Variants in WWOX observed in about 807,000 individuals in gnomAD.
The protein encoded by WWOX is WW domain-containing oxidoreductase.
In WWOX, 69 loss-of-function variants were observed where a neutral mutation model predicts 46.2. That is an observed-to-expected ratio of 1.49 (90% CI 1.23 to 1.82). The LOEUF (loss-of-function observed/expected upper bound fraction) is 1.82, where lower values mean the gene tolerates loss of function less well. WWOX is among the 40% of genes most tolerant of loss of function. The pLI is 0.00. For missense variants in WWOX, 919 were observed against 542.6 expected (o/e 1.69, Z -6.89); for synonymous variants, 359 against 202.6 (o/e 1.77, Z -6.56).
intron 8 of WWOX, among the ~76,000 whole-genome samples, chr16:78,723,155 G>C (rs1348230382): frequency 6.6e-6 from 1 of 152,220 alleles, no homozygotes; most frequent in Non-Finnish European, 1.5e-5. Flanking sequence ...CCTGCCGCTT[G>C]TGTTCGTTAA....
intron 8 of WWOX, among the ~76,000 whole-genome samples, chr16:78,633,227 G>T (rs778547152): frequency 1.3e-5 from 2 of 152,134 alleles, no homozygotes; most frequent in East Asian, 3.9e-4. Context: ...GTGCCACTGC[G>T]CTCCATGCTA....
At chr16:78,528,010 T>C (rs2043521509) in intron 8 of WWOX, among the ~76,000 whole-genome samples, 1 of 106,140 alleles carries the variant, frequency 9.4e-6, no homozygotes, top group Admixed American at 1.0e-4. Context: ...TTTTTTTTTT[T>C]TTTTTTGAGA....
chr16:78,419,884 A>AATTAAAT (rs1317451611), intron 6 of WWOX, among the ~76,000 whole-genome samples: 2 of 152,258 alleles, frequency 1.3e-5, no homozygotes, highest in African/African-American at 4.8e-5. Context: ...AATACTTACA[A>AATTAAAT]ATTAAATATT....
chr16:78,452,585 C>T (rs142841467), intron 8 of WWOX, among the ~76,000 whole-genome samples: 1,666 of 148,718 alleles, frequency 0.011, 27 homozygotes, highest in African/African-American at 0.04. Context: ...AAGGGACTCT[C>T]TTGCCTCAGC....
chr16:78,162,259 C>T (rs902604755), intron 4 of WWOX, among the ~76,000 whole-genome samples: 1 of 152,096 alleles, frequency 6.6e-6, no homozygotes, highest in African/African-American at 2.4e-5. Flanking sequence ...TTTTTTTCAG[C>T]TGTGGCTTCC....
intron 5 of WWOX, among the ~76,000 whole-genome samples, chr16:78,292,762 C>T (rs542795175): frequency 2.3e-4 from 35 of 152,190 alleles, no homozygotes; most frequent in African/African-American, 6.3e-4. Flanking sequence ...TGGAGGGCTT[C>T]GTAGAAGAGC....
intron 4 of WWOX, among the ~76,000 whole-genome samples, chr16:78,147,523 C>T (rs2034239708): frequency 6.6e-6 from 1 of 152,118 alleles, no homozygotes; most frequent in Admixed American, 6.5e-5. Context: ...CAAAAAACTG[C>T]TGAATTTTCC....
intron 5 of WWOX, among the ~76,000 whole-genome samples, chr16:78,383,483 C>T (rs774485146): frequency 6.6e-6 from 1 of 152,150 alleles, no homozygotes; most frequent in Non-Finnish European, 1.5e-5. Flanking sequence ...GAGGAAATCT[C>T]ACCTTGGCAG....
At chr16:79,195,548 A>G (rs2051223030) in intron 8 of WWOX, among the ~76,000 whole-genome samples, 2 of 152,134 alleles carry the variant, frequency 1.3e-5, no homozygotes, top group African/African-American at 4.8e-5. Flanking sequence ...GCAGCACACT[A>G]CAATATCCAC....
intron 5 of WWOX, among the ~76,000 whole-genome samples, chr16:78,205,878 T>TTCCTCCCA (rs1214973871): frequency 2.0e-5 from 3 of 151,670 alleles, no homozygotes; most frequent in Non-Finnish European, 4.4e-5. Context: ...CCGTCCTCCC[T>TTCCTCCCA]TCCTCCCATC....
chr16:78,497,634 CCCTT>C (rs556353675), intron 8 of WWOX, among the ~76,000 whole-genome samples: 55 of 152,236 alleles, frequency 3.6e-4, no homozygotes, highest in Non-Finnish European at 7.2e-4. Context: ...GTAAAAATGG[CCCTT>C]CCAACATCTA....
In WWOX at chr16:78,874,399, A is replaced by C. The variant is rs993236766; in HGVS notation, c.1057-337209A>C. Among the ~76,000 whole-genome samples, 4 of 152,236 alleles carry C rather than the reference A, an allele frequency of 2.6e-5. No homozygotes were observed. The South Asian group carries it at 8.3e-4, about 32-fold the overall frequency. On this transcript the variant is annotated intron_variant, in intron 8 of 8. Transcript: ENST00000566780. ...CGGAGGGAAAGCAGACGCAGTTGCT[A>C]AAGCTGTCAAGTCCCGCTCCCTTGG...
chr16:79,051,297 C>G (rs1041264098), intron 8 of WWOX, among the ~76,000 whole-genome samples: 4 of 152,278 alleles, frequency 2.6e-5, no homozygotes, highest in Admixed American at 1.3e-4. Flanking sequence ...GGAGACCCTA[C>G]TAAAACCTAA....
chr16:78,807,159 A>G (rs2051062717), intron 8 of WWOX, among the ~76,000 whole-genome samples: 1 of 152,186 alleles, frequency 6.6e-6, no homozygotes, highest in Admixed American at 6.5e-5. Flanking sequence ...TATGGCCATT[A>G]TTTAGGTTTC....
chr16:78,854,564 A>G lies in WWOX; in HGVS notation c.1057-357044A>G, dbSNP rs138537179. On this transcript the variant is annotated intron_variant, in intron 8 of 8. Transcript: ENST00000566780. ...TCTATTGAGATTAACACCTAACGAT[A>G]CCTGTATTTGCTAATTTGTTTCTTT... Among the ~76,000 whole-genome samples the G allele has an allele frequency of 5.8e-4, 88 of 152,174 alleles. No individual in the cohort carries two copies. In the East Asian group the frequency reaches 0.016, roughly 28 times the overall value.
At chr16:78,507,096 A>G (rs1451046119) in intron 8 of WWOX, among the ~76,000 whole-genome samples, 1 of 152,180 alleles carries the variant, frequency 6.6e-6, no homozygotes, top group Non-Finnish European at 1.5e-5. Flanking sequence ...CATCATCCCA[A>G]ATAAAGTGAT....
chr16:78,767,482 C>CTGTGTG (rs3051061), intron 8 of WWOX, among the ~76,000 whole-genome samples: 152 of 143,116 alleles, frequency 1.1e-3, no homozygotes, highest in African/African-American at 3.7e-3. Context: ...GTGTGTGTGT[C>CTGTGTG]TGTGTGTGTG....
intron 8 of WWOX, among the ~76,000 whole-genome samples, chr16:78,889,036 C>T (rs905375891): frequency 5.3e-5 from 8 of 152,126 alleles, no homozygotes; most frequent in Non-Finnish European, 7.4e-5. Flanking sequence ...TATCCCATCC[C>T]GGCTGACTTC....
At chr16:78,459,549 T>A (rs2083902990) in intron 8 of WWOX, among the ~76,000 whole-genome samples, 1 of 152,174 alleles carries the variant, frequency 6.6e-6, no homozygotes, top group African/African-American at 2.4e-5. Flanking sequence ...TGCACATGAA[T>A]ATTTGTGGTA....
Sources: gnomAD v4.1 joint callset for allele counts (sites outside exome capture counted in the v4.1 genomes callset) on GRCh38, gnomAD v4.1.1 for gene constraint, MANE v1.5 for transcripts, NCBI Gene and HGNC (gene_info 2026-07-23, HGNC 2026-07-21) for gene names.